RBM33: variants seen among roughly 807,000 people sequenced by gnomAD.
The protein encoded by RBM33 is RNA binding motif protein 33.
In RBM33, 28 loss-of-function variants were observed where a neutral mutation model predicts 132.6. The observed-to-expected ratio is 0.21, with a 90% CI of 0.16 to 0.29. RBM33 has a LOEUF of 0.29. Among genes scored for constraint, RBM33 ranks in the 10% least tolerant of loss-of-function variants. The probability of loss-of-function intolerance (pLI) is 1.00; values close to 1 mark genes in which losing one functional copy is unlikely to be tolerated. For missense variants in RBM33, 1,291 were observed against 1,518.5 expected, an observed-to-expected ratio of 0.85 and a Z score of 2.49; for synonymous variants, 634 against 593.0, an observed-to-expected ratio of 1.07 and a Z score of -1.01.
rs1664224115 is a variant in RBM33, at chr7:155,678,557, A to C, written c.172-51A>C. Reference sequence around the variant, plus strand: ...CAGTGTAATTTTGTGCTTTTTAACAAGTCTTTTTATGGAAGTGACACACAT... The same window carrying C: ...CAGTGTAATTTTGTGCTTTTTAACACGTCTTTTTATGGAAGTGACACACAT... On this transcript the variant is annotated intron_variant, in intron 3 of 17. Coordinates refer to ENST00000401878, the MANE Select transcript of RBM33 (RefSeq NM_053043.3). The C allele has an allele frequency of 7.6e-6, 9 of 1,185,612 alleles. No homozygotes were observed. The East Asian group carries it at 1.3e-4, about 17-fold the overall frequency. The allele number at this position is 1,185,612 out of a possible 1,614,324, so 73.4% of individuals were successfully genotyped here.
chr7:155,747,696 T>C (rs1445580518), intron 14 of RBM33, among the ~76,000 whole-genome samples: 1 of 152,230 alleles, frequency 6.6e-6, no homozygotes, highest in African/African-American at 2.4e-5. Context: ...TTGGAACAGC[T>C]CTTTATCTTT....
intron 5 of RBM33, among the ~76,000 whole-genome samples, chr7:155,687,883 G>A (rs1206518309): frequency 6.6e-6 from 1 of 152,170 alleles, no homozygotes; most frequent in Non-Finnish European, 1.5e-5. Context: ...CTATAGCCTT[G>A]TAGTATAGTT....
At chr7:155,773,429 G>T (rs188457158) in intron 16 of RBM33, among the ~76,000 whole-genome samples, 1 of 151,976 alleles carries the variant, frequency 6.6e-6, no homozygotes, top group African/African-American at 2.4e-5. Flanking sequence ...TAGCTAGGGC[G>T]TGGTGATGGG....
At chr7:155,722,853 A>C (rs1800667955) in intron 9 of RBM33, among the ~76,000 whole-genome samples, 1 of 152,226 alleles carries the variant, frequency 6.6e-6, no homozygotes. Flanking sequence ...AAAACTATTC[A>C]GTCCTTTGAT....
Position 155,745,143 on chromosome 7 carries a change from A to G in RBM33, c.2520A>G (p.Pro840=). The part of the protein sequence containing the change: ...QQQQLYAPPP[P]AEQEEQALSP... ...AGCAGCTGTACGCTCCCCCACCCCC[A>G]GCAGAGCAGGAAGAGCAGGCACTGT... Residue 840 remains proline (P), a synonymous_variant, in exon 14 of 18, where the codon CCA becomes CCG. Coordinates refer to ENST00000401878, the MANE Select transcript of RBM33 (RefSeq NM_053043.3). This position sits in a 1 kb window ranked among gnomAD's most constrained non-coding sequence, Gnocchi z 4.1. 6.2e-7 allele frequency: 1 copy of G among 1,604,348 alleles called. No individual in the cohort carries two copies.
chr7:155,678,788 T>C, intron 4 of RBM33, 104 bp downstream of exon 4: 1 of 636,574 alleles, frequency 1.6e-6, no homozygotes, highest in South Asian at 2.0e-5. Flanking sequence ...TAGCCTTATA[T>C]CTTTAACACA....
chr7:155,721,236 C>T (rs1015598268), intron 9 of RBM33, among the ~76,000 whole-genome samples: 3 of 152,070 alleles, frequency 2.0e-5, no homozygotes, highest in African/African-American at 7.2e-5. Context: ...AACACCCGTG[C>T]CAGAGTCCCG....
chr7:155,671,323 G>C (rs1160992776), intron 2 of RBM33, among the ~76,000 whole-genome samples: 1 of 152,122 alleles, frequency 6.6e-6, no homozygotes, highest in East Asian at 1.9e-4. Flanking sequence ...GTTTTTCAAG[G>C]GCTGTTAAGT....
intron 1 of RBM33, among the ~76,000 whole-genome samples, chr7:155,658,492 C>T (rs980528645): frequency 1.3e-5 from 2 of 151,190 alleles, no homozygotes; most frequent in South Asian, 2.1e-4. Flanking sequence ...GCAACCTCCG[C>T]GGGGTTCAAG....
chr7:155,761,768 C>T (rs887541662), intron 14 of RBM33, among the ~76,000 whole-genome samples: 55 of 152,158 alleles, frequency 3.6e-4, no homozygotes, highest in African/African-American at 1.3e-3. Context: ...TTTACCATGC[C>T]GTTGCTTTTC....
intron 1 of RBM33, among the ~76,000 whole-genome samples, chr7:155,663,955 T>TA (rs1798725695): frequency 6.6e-6 from 1 of 152,218 alleles, no homozygotes; most frequent in Non-Finnish European, 1.5e-5. Context: ...TATTTTAAAA[T>TA]ACGTTGTCAA....
chr7:155,673,389 CTATT>C (rs1463761311), intron 3 of RBM33, among the ~76,000 whole-genome samples: 1 of 139,222 alleles, frequency 7.2e-6, no homozygotes, highest in Non-Finnish European at 1.5e-5. Context: ...ATTTGTATAT[CTATT>C]TATATATATT....
At chr7:155,667,404 C>T (rs936084306) in intron 2 of RBM33, among the ~76,000 whole-genome samples, 1 of 151,922 alleles carries the variant, frequency 6.6e-6, no homozygotes, top group African/African-American at 2.4e-5. Flanking sequence ...GCTAGTGTGC[C>T]GTGCCCAGTT....
In RBM33 at chr7:155,754,954, A is replaced by G. The variant is rs1217024702; in HGVS notation, c.2980-8858A>G. Among the ~76,000 whole-genome samples, 4 of 152,248 alleles carry G rather than the reference A, an allele frequency of 2.6e-5. No individual in the cohort carries two copies. The East Asian group carries it at 5.8e-4, about 22-fold the overall frequency. The stretch of plus-strand genomic sequence containing the variant: ...TTTGCATGCTTACTATTTCATGAGG[A>G]TAATTCATTGCAGAGAAGAAAGAGA... On this transcript the variant is annotated intron_variant, in intron 14 of 17. Transcript: ENST00000401878.
At chr7:155,668,685 G>A (rs1798865040) in intron 2 of RBM33, among the ~76,000 whole-genome samples, 1 of 152,220 alleles carries the variant, frequency 6.6e-6, no homozygotes, top group Non-Finnish European at 1.5e-5. Context: ...AAAAGACAGG[G>A]TAAGTGATTG....
At chr7:155,667,053 T>C (rs1358224283) in intron 2 of RBM33, among the ~76,000 whole-genome samples, 1 of 152,212 alleles carries the variant, frequency 6.6e-6, no homozygotes, top group African/African-American at 2.4e-5. Flanking sequence ...ATTCTAATTG[T>C]TTACGTACAT....
Position 155,737,680 on chromosome 7 carries a change from G to T in RBM33, c.1393+18G>T, listed in dbSNP as rs1343689907. 1 of 1,547,776 alleles carries T rather than the reference G, an allele frequency of 6.5e-7. No homozygotes were observed. Among genetic ancestry groups the T allele is most frequent in the Admixed American group, 2.2e-5 (1 of 44,680 alleles). On this transcript the variant is annotated intron_variant, in intron 10 of 17. Transcript: ENST00000401878. ...CTTAGGAGGTACAGAAAGAGTGAGT[G>T]GTGTGGAGTAACAACAGAAGCTGCA...
chr7:155,747,225 ATTTGT>A (rs1272846672), intron 14 of RBM33, among the ~76,000 whole-genome samples: 1 of 152,256 alleles, frequency 6.6e-6, no homozygotes, highest in Non-Finnish European at 1.5e-5. Flanking sequence ...TATTATATGA[ATTTGT>A]TACCTTTAGG....
At position 155,780,782 on chromosome 7, in the gene RBM33, A is replaced by ACTC. The variant is rs1554490929; in HGVS notation, c.*5743_*5745dup. On this transcript the variant is annotated 3_prime_UTR_variant, in exon 18 of 18. Coordinates refer to ENST00000401878, the MANE Select transcript of RBM33 (RefSeq NM_053043.3). The stretch of plus-strand genomic sequence containing the variant: ...TGACGATTTTCACACTGTGTTTACC[A>ACTC]CTCCATCACCTCTCAACCTTTGCTT... 1.3e-5 allele frequency: 2 copies of ACTC among 150,702 alleles called. No homozygotes were observed. Among genetic ancestry groups the ACTC allele is most frequent in the East Asian group, 2.0e-4 (1 of 5,052 alleles). The allele number at this position is 150,702 out of a possible 1,614,324, so 9.3% of individuals were successfully genotyped here. A position where few individuals can be genotyped will look rare whatever the true frequency, so the allele number is the denominator to read the frequency against.
Sources: gnomAD v4.1 joint callset for allele counts (sites outside exome capture counted in the v4.1 genomes callset) on GRCh38, gnomAD v4.1.1 for gene constraint, Gnocchi (gnomAD v3.1) non-coding constraint, MANE v1.5 for transcripts, NCBI Gene and HGNC (gene_info 2026-07-23, HGNC 2026-07-21) for gene names.